Variants in GMEB1 observed in about 807,000 individuals in gnomAD.
The protein encoded by GMEB1 is glucocorticoid modulatory element binding protein 1.
In GMEB1, 6 loss-of-function variants were observed where a neutral mutation model predicts 52.4. That is an observed-to-expected ratio of 0.11 (90% CI 0.06 to 0.23). The LOEUF is 0.23. GMEB1 is among the 10% of genes least tolerant of loss of function. The pLI is 1.00. For missense variants in GMEB1, 486 were observed against 685.6 expected, an observed-to-expected ratio of 0.71 and a Z score of 3.25; for synonymous variants, 255 against 244.9, an observed-to-expected ratio of 1.04 and a Z score of -0.38.
intron 8 of GMEB1, among the ~76,000 whole-genome samples, chr1:28,704,716 C>T (rs1028468726): frequency 6.6e-6 from 1 of 151,986 alleles, no homozygotes; most frequent in African/African-American, 2.4e-5. Context: ...AAGCAATTCT[C>T]TCTGCCTCAG....
intron 6 of GMEB1, among the ~76,000 whole-genome samples, chr1:28,698,282 T>C (rs1670322833): frequency 2.0e-5 from 3 of 150,608 alleles, no homozygotes; most frequent in Middle Eastern, 3.2e-3. Flanking sequence ...GGCGGGAGAA[T>C]TGCTTGAACC....
At position 28,715,579 on chromosome 1, in the gene GMEB1, G is replaced by T. The variant is rs1671250831; in HGVS notation, c.*806G>T. 1 of 150,074 alleles carries T rather than the reference G, an allele frequency of 6.7e-6. No individual in the cohort carries two copies. The highest frequency in any genetic ancestry group is 2.5e-5 in the African/African-American group (1 of 40,322). The allele number at this position is 150,074 out of a possible 1,614,324, so 9.3% of individuals were successfully genotyped here. A position where few individuals can be genotyped will look rare whatever the true frequency, so the allele number is the denominator to read the frequency against. On this transcript the variant is annotated 3_prime_UTR_variant, in exon 10 of 10. Transcript: ENST00000373816. Reference sequence around the variant, plus strand: ...GATCGCACCACTGCACTCCAGCCTGGGCAACAAGAGCGAGACTCCATCTCA... The same window carrying T: ...GATCGCACCACTGCACTCCAGCCTGTGCAACAAGAGCGAGACTCCATCTCA...
chr1:28,685,493 C>A (rs1314748164), intron 2 of GMEB1, among the ~76,000 whole-genome samples: 1 of 152,108 alleles, frequency 6.6e-6, no homozygotes, highest in African/African-American at 2.4e-5. Context: ...TGTAGACTTA[C>A]CTTTTAAGCT....
chr1:28,702,774 G>A (rs956629107), intron 7 of GMEB1, among the ~76,000 whole-genome samples: 1 of 152,054 alleles, frequency 6.6e-6, no homozygotes, highest in Non-Finnish European at 1.5e-5. Flanking sequence ...AGAATTGGCC[G>A]GGCGCAGTGG....
Position 28,704,214 on chromosome 1 carries a change from A to G in GMEB1, c.753A>G (p.Lys251=), listed in dbSNP as rs751988518. The change falls in exon 8 of 10, where the codon AAA becomes AAG. Residue 251 remains lysine (K), a synonymous_variant. Transcript: ENST00000373816. ...EISEDTLMFW[K]GIADVGLMEE... ...CAGAGGACACTTTGATGTTCTGGAAAGGAATAGCTGATGTAGGGCTGATGG... is the reference window on the plus strand; with the variant it reads ...CAGAGGACACTTTGATGTTCTGGAAGGGAATAGCTGATGTAGGGCTGATGG... 1.9e-6 allele frequency: 3 copies of G among 1,612,594 alleles called. No individual in the cohort carries two copies. The highest frequency in any genetic ancestry group is 4.5e-5 in the East Asian group (2 of 44,754).
At chr1:28,688,984 C>T (rs139211219) in intron 2 of GMEB1, among the ~76,000 whole-genome samples, 7 of 151,062 alleles carry the variant, frequency 4.6e-5, no homozygotes, top group South Asian at 2.1e-4. Flanking sequence ...CTCCGCCTCC[C>T]GGGTTCAAGT....
chr1:28,687,223 G>A (rs1669686552), intron 2 of GMEB1, among the ~76,000 whole-genome samples: 1 of 151,228 alleles, frequency 6.6e-6, no homozygotes, highest in African/African-American at 2.4e-5. Flanking sequence ...TGTAGTCCCA[G>A]CTACTCAAGA....
At chr1:28,687,372 AC>A (rs1557504175) in intron 2 of GMEB1, among the ~76,000 whole-genome samples, 1,759 of 101,008 alleles carry the variant, frequency 0.017, 228 homozygotes, top group Non-Finnish European at 0.027. Flanking sequence ...ACACACACAC[AC>A]ACACACACAC....
chr1:28,687,897 T>C (rs1156249299), intron 2 of GMEB1, among the ~76,000 whole-genome samples: 1 of 151,714 alleles, frequency 6.6e-6, no homozygotes, highest in African/African-American at 2.4e-5. Context: ...ATGGAGAGTA[T>C]AGGAAGAAGA....
Position 28,714,242 on chromosome 1 carries a change from C to G in GMEB1, c.1161C>G (p.Val387=), listed in dbSNP as rs528114979. 3.7e-6 allele frequency: 6 copies of G among 1,614,200 alleles called. No homozygotes were observed. Among genetic ancestry groups the G allele is most frequent in the South Asian group, 3.3e-5 (3 of 91,088 alleles). The part of the protein sequence containing the change: ...STTVLSPSPP[V]QQPQFTVISP... ...CTGTCTTGAGCCCTTCTCCTCCTGT[C>G]CAGCAGCCTCAGTTCACAGTCATCT... is the stretch of plus-strand genomic sequence containing the variant. Residue 387 remains valine (V), a synonymous_variant, in exon 10 of 10, where the codon GTC becomes GTG. Coordinates refer to ENST00000373816, the MANE Select transcript of GMEB1 (RefSeq NM_001319674.2).
At chr1:28,691,527 A>C in intron 3 of GMEB1, 58 bp from the exon 4 acceptor site, 1 of 1,327,852 alleles carries the variant, frequency 7.5e-7, no homozygotes, top group South Asian at 1.5e-5. Flanking sequence ...AGAGATTTTG[A>C]ATTTCAGCTT....
At chr1:28,678,012 C>T (rs1313553285) in intron 1 of GMEB1, among the ~76,000 whole-genome samples, 5 of 151,758 alleles carry the variant, frequency 3.3e-5, no homozygotes, top group Non-Finnish European at 5.9e-5. Flanking sequence ...GGTGAACTCC[C>T]GTCTCTACTA....
In GMEB1 at chr1:28,697,050, G is replaced by T; in HGVS notation, c.564G>T (p.Gln188His). 1 of 1,612,186 alleles carries T rather than the reference G, an allele frequency of 6.2e-7. No homozygotes were observed. The highest frequency in any genetic ancestry group is 8.5e-7 in the Non-Finnish European group (1 of 1,179,164). ...CAAGAGCTCCAGTGCCAGGACAGCA[G>T]ACAAGTGTGGTGCAGACACCCACTT... ...SSARAPVPGQ[Q>H]TSVVQTPTSA... The change falls in exon 6 of 10, where the codon CAG (glutamine) becomes CAT (histidine). Residue 188 changes from glutamine (Q) to histidine (H), a missense_variant. Gln to His is a conservative substitution (Grantham distance 24, BLOSUM62 0). Coordinates refer to ENST00000373816, the MANE Select transcript of GMEB1 (RefSeq NM_001319674.2).
chr1:28,714,654 A>G lies in GMEB1; in HGVS notation c.1573A>G (p.Thr525Ala). The G allele has an allele frequency of 1.9e-6, 3 of 1,614,186 alleles. No individual in the cohort carries two copies. Among genetic ancestry groups the G allele is most frequent in the Non-Finnish European group, 2.5e-6 (3 of 1,180,034 alleles). The change falls in exon 10 of 10, where the codon ACT becomes GCT. Residue 525 changes from threonine (T) to alanine (A), a missense_variant. Thr to Ala is a moderately conservative substitution (Grantham distance 58). Transcript: ENST00000373816. ...DPAPDPEAED[T>A]EGKAVILETE... ...AGCCCCGGACCCAGAAGCTGAAGAT[A>G]CTGAGGGCAAAGCAGTCATCTTGGA...
chr1:28,672,897 C>T (rs1446939459), intron 1 of GMEB1, among the ~76,000 whole-genome samples: 1 of 151,236 alleles, frequency 6.6e-6, no homozygotes, highest in Non-Finnish European at 1.5e-5. Flanking sequence ...TGCCACCATG[C>T]CCAGATAATT....
chr1:28,705,553 G>A (rs1303241659), intron 8 of GMEB1, among the ~76,000 whole-genome samples: 1 of 148,998 alleles, frequency 6.7e-6, no homozygotes, highest in East Asian at 2.0e-4. Context: ...GAGTTCAAGC[G>A]ATTCTCCTGC....
chr1:28,689,926 C>G, intron 2 of GMEB1, 178 bp from the exon 3 acceptor site: 1 of 481,468 alleles, frequency 2.1e-6, no homozygotes, highest in Non-Finnish European at 3.7e-6. Flanking sequence ...GTAGAAGCTG[C>G]TAAGCAATCC....
rs754349679 is a variant in GMEB1 at position 28,714,706 on chromosome 1, T to C, written c.1625T>C (p.Val542Ala). The C allele has an allele frequency of 5.0e-6, 8 of 1,614,084 alleles. No homozygotes were observed. In the East Asian group the frequency reaches 1.8e-4, roughly 36 times the overall value. Residue 542 changes from valine to alanine, a missense_variant, in exon 10 of 10, where the codon GTT becomes GCT. Physicochemically the swap from Val to Ala is moderately conservative, Grantham distance 64 (BLOSUM62 0). This residue lies in a region of GMEB1 where 153 missense variants were observed against 200.8 expected (regional missense o/e 0.76). Coordinates refer to ENST00000373816, the MANE Select transcript of GMEB1 (RefSeq NM_001319674.2). ...ACAGAGCTGAGGACTGAGGAGAAAGTTGTGGCTGAGATGGAAGAACACCAG... is the reference window on the plus strand; with the variant it reads ...ACAGAGCTGAGGACTGAGGAGAAAGCTGTGGCTGAGATGGAAGAACACCAG... ...LETELRTEEKVVAEMEEHQHQ... is the reference protein window; with the variant it reads ...LETELRTEEKAVAEMEEHQHQ...
chr1:28,674,098 C>T (rs1242870617), intron 1 of GMEB1, among the ~76,000 whole-genome samples: 1 of 149,888 alleles, frequency 6.7e-6, no homozygotes, highest in Non-Finnish European at 1.5e-5. Context: ...TGCAGTGAGC[C>T]AAGACCCTGC....
Sources: allele counts gnomAD v4.1 joint callset (sites outside exome capture counted in the v4.1 genomes callset), GRCh38; gene constraint gnomAD v4.1.1; regional missense constraint gnomAD v4.1.1; transcripts MANE v1.5; gene names NCBI Gene and HGNC (gene_info 2026-07-23, HGNC 2026-07-21).